FGD4: variants seen among roughly 807,000 people sequenced by gnomAD.
FGD4 encodes the protein FYVE, RhoGEF and PH domain-containing protein 4.
FGD4 carries 42 observed loss-of-function variants against 102.0 expected under a neutral mutation model. The observed-to-expected ratio is 0.41, with a 90% confidence interval of 0.32 to 0.53. FGD4 has a LOEUF of 0.53. Among genes scored for constraint, FGD4 ranks in the 20% least tolerant of loss-of-function variants. The pLI is 0.21. For missense variants in FGD4, 902 were observed against 1,078.2 expected (o/e 0.84, Z 2.29); for synonymous variants, 380 against 375.7 (o/e 1.01, Z -0.13).
chr12:32,563,996 A>T, intron 1 of FGD4, 141 bp from the exon 2 acceptor site: 1 of 780,654 alleles, frequency 1.3e-6, no homozygotes, highest in South Asian at 1.9e-5. Context: ...CCGTGGAAAG[A>T]GAGGGAGACC....
rs182050746 is a variant in FGD4 at position 32,552,409 on chromosome 12, G to A, written c.167-11728G>A. On this transcript the variant is annotated intron_variant, in intron 1 of 16. Coordinates refer to ENST00000534526, the MANE Select transcript of FGD4 (RefSeq NM_001370298.3). ...TGAGTAGCTGGGATTACAGGCGCCC[G>A]CCGCCATGCCCGACTAATTTTTGCA... Among the ~76,000 whole-genome samples the A allele has an allele frequency of 4.7e-5, 7 of 149,054 alleles. No individual in the cohort carries two copies. The East Asian group carries it at 5.9e-4, about 13-fold the overall frequency.
At chr12:32,525,933 G>T (rs1340379354) in intron 1 of FGD4, among the ~76,000 whole-genome samples, 1 of 152,252 alleles carries the variant, frequency 6.6e-6, no homozygotes, top group Non-Finnish European at 1.5e-5. Flanking sequence ...GGGACCTACA[G>T]CCCGCCATGC....
chr12:32,639,008 C>T, intron 16 of FGD4: 1 of 1,329,654 alleles, frequency 7.5e-7, no homozygotes, highest in East Asian at 2.6e-5. Flanking sequence ...TCATCTGTCC[C>T]CTTTCTTGTC....
intron 6 of FGD4, 35 bp downstream of exon 6, chr12:32,601,458 G>A (rs1212353902): frequency 1.9e-6 from 3 of 1,590,076 alleles, no homozygotes; most frequent in South Asian, 1.1e-5. Context: ...TATGTTTAAG[G>A]CAGTCATGCT....
At chr12:32,587,451 C>T (rs12301170) in intron 4 of FGD4, among the ~76,000 whole-genome samples, 3,544 of 151,918 alleles carry the variant, frequency 0.023, 126 homozygotes, top group African/African-American at 0.08. Flanking sequence ...AGTGCGGTGA[C>T]GCTATCTCGG....
At chr12:32,628,942 A>G (rs1222892264) in intron 14 of FGD4, among the ~76,000 whole-genome samples, 2 of 152,176 alleles carry the variant, frequency 1.3e-5, no homozygotes, top group Non-Finnish European at 2.9e-5. Flanking sequence ...ACCCAGACCT[A>G]TTGCTGTGAT....
intron 1 of FGD4, among the ~76,000 whole-genome samples, chr12:32,510,527 T>C (rs189531905): frequency 6.6e-6 from 1 of 152,310 alleles, no homozygotes; most frequent in Admixed American, 6.5e-5. Context: ...GGAATTTTAC[T>C]GTAATAAAAA....
chr12:32,580,353 A>G (rs1946504967), intron 3 of FGD4, among the ~76,000 whole-genome samples: 1 of 152,154 alleles, frequency 6.6e-6, no homozygotes, highest in South Asian at 2.1e-4. Flanking sequence ...TCTGGCTGTT[A>G]TTATTGTCAC....
intron 1 of FGD4, among the ~76,000 whole-genome samples, chr12:32,518,310 C>G (rs1940113530): frequency 6.6e-6 from 1 of 152,160 alleles, no homozygotes; most frequent in South Asian, 2.1e-4. Context: ...GAAACCCCGT[C>G]TCTACTAAAA....
chr12:32,572,662 C>G (rs547955476), intron 2 of FGD4, among the ~76,000 whole-genome samples: 1 of 152,224 alleles, frequency 6.6e-6, no homozygotes, highest in South Asian at 2.1e-4. Context: ...TTTGGGAAAT[C>G]TTTTTAAAAG....
chr12:32,399,889 C>T lies in FGD4; in HGVS notation c.96C>T (p.Ser32=). 6.5e-7 allele frequency: 1 copy of T among 1,530,354 alleles called. No individual in the cohort carries two copies. Among genetic ancestry groups the T allele is most frequent in the South Asian group, 1.2e-5 (1 of 83,810 alleles). The allele number at this position is 1,530,354 out of a possible 1,614,324, so 94.8% of individuals were successfully genotyped here. ...CGCCCGGGGTGCCCCGGCCCTGGAG[C>T]AGGCCCGCGTCGCACCTGGGACGTG... The part of the protein sequence containing the change: ...YLPPGVPRPW[S]RPASHLGRVG... The change falls in exon 1 of 17, where the codon AGC becomes AGT. Residue 32 remains serine, a synonymous_variant. Coordinates refer to ENST00000534526, the MANE Select transcript of FGD4 (RefSeq NM_001370298.3).
chr12:32,500,264 G>A (rs1318241582), intron 1 of FGD4, among the ~76,000 whole-genome samples: 1 of 152,054 alleles, frequency 6.6e-6, no homozygotes. Flanking sequence ...GGCCCTGTGA[G>A]GTTTATATGA....
intron 1 of FGD4, among the ~76,000 whole-genome samples, chr12:32,461,207 TTAAGA>T (rs1471857591): frequency 2.0e-5 from 3 of 152,228 alleles, no homozygotes; most frequent in East Asian, 3.8e-4. Context: ...ATATTTTAAA[TTAAGA>T]TAACGCACAA....
intron 1 of FGD4, among the ~76,000 whole-genome samples, chr12:32,490,918 T>C (rs1042769181): frequency 1.4e-4 from 21 of 152,144 alleles, no homozygotes; most frequent in African/African-American, 5.1e-4. Context: ...ATCAGAGGAG[T>C]CATCCATTCA....
chr12:32,640,316 T>G lies in FGD4; in HGVS notation c.2495T>G (p.Val832Gly). 6.2e-7 allele frequency: 1 copy of G among 1,614,216 alleles called. No individual in the cohort carries two copies. Among genetic ancestry groups the G allele is most frequent in the Non-Finnish European group, 8.5e-7 (1 of 1,180,036 alleles). ...GCCACCATTCCACTTCTGGGCTATG[T>G]GGTGGATGAAATGCCAAGGAGCGCA... ...AQATIPLLGY[V>G]VDEMPRSADL... The change falls in exon 17 of 17, where the codon GTG becomes GGG. Residue 832 changes from valine to glycine, a missense_variant. Around this residue, in one of 2 missense-constraint regions of FGD4, gnomAD observed 459 missense variants for 619.0 expected, o/e 0.74. Transcript: ENST00000534526.
chr12:32,408,667 C>G (rs77167386), intron 1 of FGD4, among the ~76,000 whole-genome samples: 5 of 152,106 alleles, frequency 3.3e-5, no homozygotes, highest in Admixed American at 2.6e-4. Context: ...CTTCTCACCC[C>G]GTCCTCACCA....
chr12:32,494,072 A>G lies in FGD4; in HGVS notation c.167-70065A>G, dbSNP rs921881765. The stretch of plus-strand genomic sequence containing the variant: ...TCAGGGAAGTGTTTTCTAAGAGTTG[A>G]TCTAGCTATGTTGCCCAGGCTGGAG... On this transcript the variant is annotated intron_variant, in intron 1 of 16. Transcript: ENST00000534526. Among the ~76,000 whole-genome samples, 9 of 152,276 alleles carry G rather than the reference A, an allele frequency of 5.9e-5. No homozygotes were observed. The East Asian group carries it at 1.7e-3, about 29-fold the overall frequency.
intron 1 of FGD4, among the ~76,000 whole-genome samples, chr12:32,467,900 C>T (rs1323226180): frequency 1.3e-5 from 2 of 152,090 alleles, no homozygotes; most frequent in East Asian, 3.9e-4. Flanking sequence ...CCTGTAATCC[C>T]AGCTACTCGG....
intron 1 of FGD4, among the ~76,000 whole-genome samples, chr12:32,472,608 CCG>C (rs1804815162): frequency 6.6e-6 from 1 of 152,242 alleles, no homozygotes; most frequent in Admixed American, 6.5e-5. Context: ...CCCAAGCCTC[CCG>C]GACGAGCACC....
Sources: gnomAD v4.1 joint callset for allele counts (sites outside exome capture counted in the v4.1 genomes callset) on GRCh38, gnomAD v4.1.1 for gene constraint, gnomAD v4.1.1 regional missense constraint, MANE v1.5 for transcripts, NCBI Gene and HGNC (gene_info 2026-07-23, HGNC 2026-07-21) for gene names.